VPS13C: variants seen among roughly 807,000 people sequenced by gnomAD.
The protein encoded by VPS13C is intermembrane lipid transfer protein VPS13C.
Under a neutral mutation model 456.8 loss-of-function variants are expected in VPS13C, and 358 were observed. The ratio of observed to expected loss-of-function variants is 0.78; its 90% CI spans 0.72 to 0.86. VPS13C has a LOEUF of 0.86. VPS13C is among the 40% of genes least tolerant of loss of function. The probability of loss-of-function intolerance (pLI) is 0.00; values close to 1 mark genes in which losing one functional copy is unlikely to be tolerated. For synonymous variants in VPS13C, 1,578 were observed against 1,486.7 expected, an observed-to-expected ratio of 1.06 and a Z score of -1.41; for missense variants, 4,818 against 4,385.4, an observed-to-expected ratio of 1.10 and a Z score of -2.79.
intron 68 of VPS13C, 44 bp from the exon 69 acceptor site, chr15:61,882,780 C>G: frequency 6.7e-7 from 1 of 1,499,094 alleles, no homozygotes; most frequent in Non-Finnish European, 8.9e-7. Flanking sequence ...GATATTAGCA[C>G]AGTAGCTATT....
intron 78 of VPS13C, among the ~76,000 whole-genome samples, chr15:61,872,983 TC>T (rs1895146371): frequency 6.6e-6 from 1 of 152,078 alleles, no homozygotes; most frequent in South Asian, 2.1e-4. Flanking sequence ...GTACCATGTA[TC>T]TCTGCTTCTC....
chr15:61,869,112 TTTTC>T, intron 80 of VPS13C, among the ~76,000 whole-genome samples: 1 of 109,090 alleles, frequency 9.2e-6, no homozygotes, highest in South Asian at 3.0e-4. Context: ...TTCTTTTCTT[TTTTC>T]TTTTTTTTTT....
intron 46 of VPS13C, among the ~76,000 whole-genome samples, 168 bp from the exon 47 acceptor site, chr15:61,940,962 C>A (rs1016126038): frequency 1.3e-5 from 2 of 152,160 alleles, no homozygotes; most frequent in African/African-American, 2.4e-5. Flanking sequence ...ATCTAAATCA[C>A]AACACATAAG....
At chr15:61,970,506 AAAG>A (rs1173029575) in intron 27 of VPS13C, among the ~76,000 whole-genome samples, 1 of 152,188 alleles carries the variant, frequency 6.6e-6, no homozygotes. Flanking sequence ...AAAAATACTT[AAAG>A]AAGAGGCCAA....
At position 62,008,776 on chromosome 15, in the gene VPS13C, A is replaced by C; in HGVS notation, c.1012-15T>G. ...ATACTTAAGTACTGTTAAAACAAAA[A>C]TAAAATTATATTTATTACACTGTAT... is the stretch of plus-strand genomic sequence containing the variant. On this transcript the variant is annotated splice_polypyrimidine_tract_variant and intron_variant, in intron 13 of 84. Transcript: ENST00000644861. The C allele has an allele frequency of 6.9e-7, 1 of 1,440,856 alleles. No individual in the cohort carries two copies. The highest frequency in any genetic ancestry group is 9.4e-7 in the Non-Finnish European group (1 of 1,059,718). The allele number at this position is 1,440,856 out of a possible 1,614,324, so 89.3% of individuals were successfully genotyped here. A position where few individuals can be genotyped will look rare whatever the true frequency, so the allele number is the denominator to read the frequency against.
At chr15:61,934,986 C>T (rs1364462200) in intron 48 of VPS13C, among the ~76,000 whole-genome samples, 1 of 152,060 alleles carries the variant, frequency 6.6e-6, no homozygotes, top group African/African-American at 2.4e-5. Context: ...CTCCTGACCT[C>T]GTGATCTGCC....
At position 61,867,178 on chromosome 15, in the gene VPS13C, T is replaced by A; in HGVS notation, c.10863+1481A>T. 1.0e-6 allele frequency: 1 copy of A among 983,910 alleles called. No individual in the cohort carries two copies. The highest frequency in any genetic ancestry group is 1.2e-6 in the Non-Finnish European group (1 of 828,550). The allele number at this position is 983,910 out of a possible 1,614,324, so 60.9% of individuals were successfully genotyped here. On this transcript the variant is annotated intron_variant, in intron 81 of 84. Transcript: ENST00000644861. This position sits in a 1 kb window ranked among gnomAD's most constrained non-coding sequence, Gnocchi z 5.0. ...CAATTTGCCTAATTACATGTTCAAC[T>A]TCTATCTACATTAATTAAAACTAAT...
At chr15:61,943,677 T>C (rs2044507801) in intron 45 of VPS13C, among the ~76,000 whole-genome samples, 1 of 151,900 alleles carries the variant, frequency 6.6e-6, no homozygotes. Flanking sequence ...GACCTCAAAC[T>C]ATAAGAATTT....
intron 9 of VPS13C, among the ~76,000 whole-genome samples, chr15:62,015,095 A>G (rs1284740910): frequency 2.6e-5 from 4 of 152,072 alleles, no homozygotes; most frequent in Non-Finnish European, 5.9e-5. Flanking sequence ...TATTTTTTGC[A>G]TTGTCTGCTA....
At chr15:61,906,430 A>G (rs1566988048) in intron 66 of VPS13C, among the ~76,000 whole-genome samples, 2 of 152,166 alleles carry the variant, frequency 1.3e-5, no homozygotes, top group Admixed American at 6.6e-5. Context: ...AGACCTTGAT[A>G]TCCTCCTCCA....
intron 66 of VPS13C, among the ~76,000 whole-genome samples, chr15:61,903,007 A>C (rs1480184965): frequency 6.6e-6 from 1 of 152,082 alleles, no homozygotes; most frequent in Non-Finnish European, 1.5e-5. Context: ...AATTTGGTAA[A>C]GTTGCAGGAC....
chr15:62,043,971 A>G (rs1324904263), intron 2 of VPS13C, among the ~76,000 whole-genome samples: 2 of 152,186 alleles, frequency 1.3e-5, no homozygotes, highest in African/African-American at 2.4e-5. Flanking sequence ...CTACAAAACT[A>G]TACAGTCAAA....
chr15:61,920,469 G>T, intron 56 of VPS13C, 29 bp downstream of exon 56: 1 of 1,502,856 alleles, frequency 6.7e-7, no homozygotes, highest in South Asian at 1.4e-5. Context: ...AATTCCACTT[G>T]AAATATTCTA....
chr15:62,022,478 G>A (rs530507187), intron 8 of VPS13C, among the ~76,000 whole-genome samples: 2 of 151,766 alleles, frequency 1.3e-5, no homozygotes, highest in East Asian at 3.9e-4. Context: ...ATTTTCTTAA[G>A]CTTGTTATTA....
At chr15:61,948,737 T>A (rs1011298862) in intron 42 of VPS13C, among the ~76,000 whole-genome samples, 1 of 151,484 alleles carries the variant, frequency 6.6e-6, no homozygotes, top group South Asian at 2.1e-4. Flanking sequence ...GTACTGACAG[T>A]TTTACACCAA....
At chr15:61,999,842 AAAAG>A (rs1306753305) in intron 16 of VPS13C, among the ~76,000 whole-genome samples, 5 of 151,340 alleles carry the variant, frequency 3.3e-5, no homozygotes, top group Non-Finnish European at 7.4e-5. Context: ...AGGAAAGGAG[AAAAG>A]AAAGAAGAGA....
rs200341577 is a variant in VPS13C at position 61,910,298 on chromosome 15, G to T, written c.8723C>A (p.Pro2908Gln). The T allele has an allele frequency of 1.3e-6, 2 of 1,520,926 alleles. No homozygotes were observed. The highest frequency in any genetic ancestry group is 2.5e-5 in the East Asian group (1 of 39,952). 94.2% of individuals were successfully genotyped at this position (1,520,926 alleles called of 1,614,324 possible). A position where few individuals can be genotyped will look rare whatever the true frequency, so the allele number is the denominator to read the frequency against. Residue 2908 changes from proline to glutamine, a missense_variant, in exon 64 of 85, where the codon CCA (proline) becomes CAA (glutamine). By Grantham distance (76) the Pro-to-Gln change is moderately conservative (BLOSUM62 -1). Transcript: ENST00000644861. ...WNYIASSECL[P>Q]FWPESLSGKL... ...GCCTGACAAACTTTCTGGCCAAAATGGAAGGCACTAAAAATATAGAAGTTA... is the reference window on the plus strand; with the variant it reads ...GCCTGACAAACTTTCTGGCCAAAATTGAAGGCACTAAAAATATAGAAGTTA...
intron 5 of VPS13C, among the ~76,000 whole-genome samples, chr15:62,028,622 C>T (rs1470501425): frequency 6.6e-6 from 1 of 152,056 alleles, no homozygotes. Flanking sequence ...AACACACAAA[C>T]TTCTTAACAA....
Position 61,961,913 on chromosome 15 carries a change from A to G in VPS13C, c.3604-20T>C. ...GAAGTTCTGTGGACACAAAGCATAA[A>G]AAGAGAAATTCAAAGAGAATACAGG... On this transcript the variant is annotated intron_variant, in intron 34 of 84. Coordinates refer to ENST00000644861, the MANE Select transcript of VPS13C (RefSeq NM_020821.3). The G allele has an allele frequency of 6.3e-7, 1 of 1,590,610 alleles. No homozygotes were observed. Among genetic ancestry groups the G allele is most frequent in the Non-Finnish European group, 8.5e-7 (1 of 1,170,568 alleles).
Sources: allele counts gnomAD v4.1 joint callset (sites outside exome capture counted in the v4.1 genomes callset), GRCh38; gene constraint gnomAD v4.1.1; non-coding constraint Gnocchi (gnomAD v3.1); transcripts MANE v1.5; gene names NCBI Gene and HGNC (gene_info 2026-07-23, HGNC 2026-07-21).